Variants in ADAMTSL3 observed in about 807,000 individuals in gnomAD.
ADAMTSL3 encodes ADAMTS like 3.
In ADAMTSL3, 128 loss-of-function variants were observed where a neutral mutation model predicts 201.7. The observed-to-expected ratio is 0.63, with a 90% CI of 0.55 to 0.73. The LOEUF (loss-of-function observed/expected upper bound fraction) is 0.73, where lower values mean the gene tolerates loss of function less well. Ranked by LOEUF, ADAMTSL3 falls within the 30% of genes least tolerant of loss-of-function variation. The pLI is 0.00. For missense variants in ADAMTSL3, 1,990 were observed against 2,119.6 expected (o/e 0.94, Z 1.20); for synonymous variants, 738 against 748.4 (o/e 0.99, Z 0.23).
intron 2 of ADAMTSL3, among the ~76,000 whole-genome samples, chr15:83,658,347 G>A (rs909344608): frequency 1.3e-5 from 2 of 152,200 alleles, no homozygotes; most frequent in Non-Finnish European, 2.9e-5. Flanking sequence ...GACCTCAAGT[G>A]ATCTGCCCAC....
chr15:83,886,003 C>T (rs2065383032), intron 10 of ADAMTSL3, among the ~76,000 whole-genome samples: 1 of 152,142 alleles, frequency 6.6e-6, no homozygotes, highest in African/African-American at 2.4e-5. Context: ...GGATTACAGG[C>T]ATGAGCCACT....
intron 15 of ADAMTSL3, among the ~76,000 whole-genome samples, chr15:83,906,654 A>G (rs1451567130): frequency 4.4e-5 from 6 of 135,170 alleles, no homozygotes; most frequent in African/African-American, 1.3e-4. Flanking sequence ...ACACACACAC[A>G]CACACACACA....
chr15:83,687,081 G>T (rs2061547201), intron 2 of ADAMTSL3, among the ~76,000 whole-genome samples: 1 of 152,066 alleles, frequency 6.6e-6, no homozygotes, highest in South Asian at 2.1e-4. Context: ...TGGAGGTCCT[G>T]TTGTCCTGGC....
intron 6 of ADAMTSL3, among the ~76,000 whole-genome samples, chr15:83,821,532 C>G (rs557978689): frequency 3.7e-4 from 56 of 151,378 alleles, no homozygotes; most frequent in Non-Finnish European, 6.6e-4. Context: ...GGACACAGCA[C>G]ATGTTTCAGA....
intron 3 of ADAMTSL3, among the ~76,000 whole-genome samples, chr15:83,753,924 G>A (rs890372540): frequency 6.6e-6 from 1 of 152,244 alleles, no homozygotes; most frequent in Non-Finnish European, 1.5e-5. Flanking sequence ...TCTGAAGGTT[G>A]AAGATTTTAA....
intron 9 of ADAMTSL3, among the ~76,000 whole-genome samples, chr15:83,875,470 C>A (rs2141839845): frequency 6.6e-6 from 1 of 152,296 alleles, no homozygotes; most frequent in Non-Finnish European, 1.5e-5. Context: ...ACTAGCAAGG[C>A]AAATGTGACC....
At chr15:83,956,786 G>A (rs1290377428) in intron 19 of ADAMTSL3, among the ~76,000 whole-genome samples, 1 of 152,082 alleles carries the variant, frequency 6.6e-6, no homozygotes, top group Non-Finnish European at 1.5e-5. Context: ...ATCCCACTTG[G>A]TGCTTGGTAA....
intron 2 of ADAMTSL3, among the ~76,000 whole-genome samples, chr15:83,697,116 T>C (rs1249014436): frequency 6.6e-6 from 1 of 152,168 alleles, no homozygotes; most frequent in Non-Finnish European, 1.5e-5. Flanking sequence ...AATCACATTG[T>C]GTTTGTTTTA....
intron 2 of ADAMTSL3, among the ~76,000 whole-genome samples, chr15:83,689,486 T>C (rs1247426793): frequency 6.6e-6 from 1 of 152,238 alleles, no homozygotes; most frequent in Non-Finnish European, 1.5e-5. Flanking sequence ...TTTATACAAA[T>C]GGAATCATAC....
At chr15:83,742,127 T>G (rs577402473) in intron 3 of ADAMTSL3, among the ~76,000 whole-genome samples, 1 of 152,310 alleles carries the variant, frequency 6.6e-6, no homozygotes, top group South Asian at 2.1e-4. Flanking sequence ...ATATAAGAGA[T>G]ATATACAATT....
chr15:83,857,918 G>C (rs1206635769), intron 7 of ADAMTSL3, among the ~76,000 whole-genome samples: 1 of 152,198 alleles, frequency 6.6e-6, no homozygotes, highest in Non-Finnish European at 1.5e-5. Flanking sequence ...GAGGGGACTA[G>C]TGAGATAAAA....
intron 3 of ADAMTSL3, among the ~76,000 whole-genome samples, chr15:83,755,134 T>C (rs2062698755): frequency 6.6e-6 from 1 of 152,242 alleles, no homozygotes; most frequent in Non-Finnish European, 1.5e-5. Flanking sequence ...ATTTCCTAGC[T>C]GGTTGGATTT....
At chr15:83,729,005 G>A (rs950601811) in intron 3 of ADAMTSL3, among the ~76,000 whole-genome samples, 1 of 151,944 alleles carries the variant, frequency 6.6e-6, no homozygotes, top group African/African-American at 2.4e-5. Context: ...ATGTTTAAAG[G>A]GTGTTTTTGC....
chr15:83,859,270 G>A (rs1262101846), intron 8 of ADAMTSL3, among the ~76,000 whole-genome samples: 1 of 152,220 alleles, frequency 6.6e-6, no homozygotes, highest in Non-Finnish European at 1.5e-5. Context: ...TTTCTGATTT[G>A]CAATTGGTTA....
At chr15:84,016,735 G>A (rs1451825411) in intron 25 of ADAMTSL3, among the ~76,000 whole-genome samples, 1 of 152,116 alleles carries the variant, frequency 6.6e-6, no homozygotes, top group Non-Finnish European at 1.5e-5. Context: ...TATCTCAAAT[G>A]TGCACTATTA....
At chr15:83,955,025 C>T (rs2066832432) in intron 19 of ADAMTSL3, among the ~76,000 whole-genome samples, 1 of 152,172 alleles carries the variant, frequency 6.6e-6, no homozygotes, top group Admixed American at 6.5e-5. Context: ...CACTCAAGGC[C>T]CTAGGGCTAC....
rs936190323 is a variant in ADAMTSL3 at position 83,654,810 on chromosome 15, C to T, written c.-34+534C>T. 6.6e-6 allele frequency among the ~76,000 whole-genome samples: 1 copy of T among 152,130 alleles called. No homozygotes were observed. The highest frequency in any genetic ancestry group is 2.4e-5 in the African/African-American group (1 of 41,426). On this transcript the variant is annotated intron_variant, in intron 1 of 29. Coordinates refer to ENST00000286744, the MANE Select transcript of ADAMTSL3 (RefSeq NM_207517.3). This position sits in a 1 kb window ranked among gnomAD's most constrained non-coding sequence, Gnocchi z 5.3. ...CGAGCAGGCGAGGGTGGCGCAGAGT[C>T]CCAGGGCCCCGCACTGGCCGCCTCC...
intron 19 of ADAMTSL3, among the ~76,000 whole-genome samples, chr15:83,966,723 CA>C (rs562894385): frequency 2.0e-5 from 3 of 150,472 alleles, no homozygotes; most frequent in Non-Finnish European, 3.0e-5. Context: ...AGAAACACAA[CA>C]AAAAAAAAGA....
At chr15:83,893,561 A>G (rs965847053) in intron 13 of ADAMTSL3, among the ~76,000 whole-genome samples, 22 of 152,292 alleles carry the variant, frequency 1.4e-4, no homozygotes, top group Admixed American at 6.5e-4. Flanking sequence ...AACCTTCACA[A>G]TTTTTGTGAA....
Sources: allele counts gnomAD v4.1 joint callset (sites outside exome capture counted in the v4.1 genomes callset), GRCh38; gene constraint gnomAD v4.1.1; non-coding constraint Gnocchi (gnomAD v3.1); transcripts MANE v1.5; gene names NCBI Gene and HGNC (gene_info 2026-07-23, HGNC 2026-07-21).